The following KLHL21 variants were observed in gnomAD, a reference collection of about 807,000 sequenced individuals.
KLHL21 encodes kelch-like protein 21.
Under a neutral mutation model 44.1 loss-of-function variants are expected in KLHL21, and 42 were observed. That is an observed-to-expected ratio of 0.95 (90% CI 0.74 to 1.23). The LOEUF is 1.23. Ranked by LOEUF, KLHL21 falls within the 50% of genes most tolerant of loss-of-function variation. The probability of loss-of-function intolerance (pLI) is 0.00; values close to 1 mark genes in which losing one functional copy is unlikely to be tolerated. For missense variants in KLHL21, 918 were observed against 889.1 expected (o/e 1.03, Z -0.41); for synonymous variants, 524 against 411.6 (o/e 1.27, Z -3.31).
In KLHL21 at chr1:6,602,864, A is replaced by C. The variant is rs919823244; in HGVS notation, c.-47T>G. 3 of 1,340,056 alleles carry C rather than the reference A, an allele frequency of 2.2e-6. No individual in the cohort carries two copies. The highest frequency in any genetic ancestry group is 4.0e-5 in the Admixed American group (1 of 24,814). The allele number at this position is 1,340,056 out of a possible 1,614,324, so 83.0% of individuals were successfully genotyped here. On this transcript the variant is annotated 5_prime_UTR_variant, in exon 1 of 4. Transcript: ENST00000377658. ...AGGACGCCGCGGCCGGGGCCTGCGGAGAGACGCGGCGCGCTAGGCACCGCT... is the reference window on the plus strand; with the variant it reads ...AGGACGCCGCGGCCGGGGCCTGCGGCGAGACGCGGCGCGCTAGGCACCGCT...
Position 6,601,864 on chromosome 1 carries a change from G to A in KLHL21, c.954C>T (p.Ala318=), listed in dbSNP as rs1429593968. The A allele has an allele frequency of 1.9e-6, 3 of 1,577,868 alleles. No individual in the cohort carries two copies. The highest frequency in any genetic ancestry group is 1.8e-5 in the Admixed American group (1 of 55,178). ...NPQTGQWRYL[A]EFPDHLGGGY... is the part of the protein sequence containing the mutation. ...CTCCGCCCAGGTGGTCTGGGAACTC[G>A]GCCAGGTAGCGCCACTGACCCGTCT... Residue 318 remains alanine (A), a synonymous_variant, in exon 1 of 4, where the codon GCC becomes GCT. Coordinates refer to ENST00000377658, the MANE Select transcript of KLHL21 (RefSeq NM_014851.4).
intron 2 of KLHL21, among the ~76,000 whole-genome samples, chr1:6,598,723 A>AT (rs1329935047): frequency 6.6e-6 from 1 of 151,810 alleles, no homozygotes; most frequent in African/African-American, 2.4e-5. Flanking sequence ...TCTACAAAAA[A>AT]TACAAAAAAA....
Position 6,602,797 on chromosome 1 carries a change from C to T in KLHL21, c.21G>A (p.Leu7=), listed in dbSNP as rs1013320970. 2.7e-6 allele frequency: 4 copies of T among 1,465,746 alleles called. No homozygotes were observed. In the African/African-American group the frequency reaches 4.5e-5, roughly 16 times the overall value. The allele number at this position is 1,465,746 out of a possible 1,614,324, so 90.8% of individuals were successfully genotyped here. ...CGGGGTCCGAGAAGGGAAGCACGGC[C>T]AGGGGCGCCGGTCGCTCCATGGCGC... The part of the protein sequence containing the change: MERPAP[L]AVLPFSDPAH... The change falls in exon 1 of 4, where the codon CTG becomes CTA. Residue 7 remains leucine, a synonymous_variant. Transcript: ENST00000377658.
At position 6,602,248 on chromosome 1, in the gene KLHL21, C is replaced by T. The variant is rs1252669545; in HGVS notation, c.570G>A (p.Leu190=). 5.2e-6 allele frequency: 8 copies of T among 1,544,178 alleles called. No individual in the cohort carries two copies. The highest frequency in any genetic ancestry group is 1.4e-5 in the African/African-American group (1 of 73,002). The change falls in exon 1 of 4, where the codon CTG becomes CTA. Residue 190 remains leucine, a synonymous_variant. Coordinates refer to ENST00000377658, the MANE Select transcript of KLHL21 (RefSeq NM_014851.4). Reference sequence around the variant, plus strand: ...AGGCGGCCTCCTCCTTGGGCACACACAGCCCGTCGTCCCGCAGGTAGCGCA... The same window carrying T: ...AGGCGGCCTCCTCCTTGGGCACACATAGCCCGTCGTCCCGCAGGTAGCGCA... ...RLLRYLRDDG[L]CVPKEEAAYQ...
intron 2 of KLHL21, 151 bp from the exon 3 acceptor site, chr1:6,595,708 T>C: frequency 2.9e-6 from 2 of 680,622 alleles, no homozygotes; most frequent in Non-Finnish European, 4.9e-6. Context: ...CCAGGTAGGC[T>C]CCATCCCCAG....
At position 6,602,200 on chromosome 1, in the gene KLHL21, G is replaced by T. The variant is rs1641035058; in HGVS notation, c.618C>A (p.Val206=). ...EAAYQLALRW[V]RADPPRRAAH... ...CGGCGCGGCGCGGCGGGTCAGCGCG[G>T]ACCCAGCGCAGCGCCAGCTGGTAGG... Residue 206 remains valine, a synonymous_variant, in exon 1 of 4, where the codon GTC becomes GTA. Transcript: ENST00000377658. 6.6e-7 allele frequency: 1 copy of T among 1,507,956 alleles called. No homozygotes were observed. The allele number at this position is 1,507,956 out of a possible 1,614,324, so 93.4% of individuals were successfully genotyped here. A position where few individuals can be genotyped will look rare whatever the true frequency, so the allele number is the denominator to read the frequency against.
At position 6,599,581 on chromosome 1, in the gene KLHL21, C is replaced by T. The variant is rs1390967828; in HGVS notation, c.1022-129G>A. The stretch of plus-strand genomic sequence containing the variant: ...ATCACTGGGCTTCACCCCAGACGCA[C>T]ACCCTCTCCCCAAAAGCCCAGGCCA... On this transcript the variant is annotated intron_variant, in intron 1 of 3. Transcript: ENST00000377658. 4.1e-6 allele frequency: 4 copies of T among 966,720 alleles called. No homozygotes were observed. The East Asian group carries it at 7.9e-5, about 19-fold the overall frequency. The allele number at this position is 966,720 out of a possible 1,614,324, so 59.9% of individuals were successfully genotyped here.
At position 6,601,899 on chromosome 1, in the gene KLHL21, A is replaced by G. The variant is rs1641027126; in HGVS notation, c.919T>C (p.Tyr307His). ...DCDELVTVDC[Y>H]NPQTGQWRYL... is the part of the protein sequence containing the mutation. The stretch of plus-strand genomic sequence containing the variant: ...CGCCACTGACCCGTCTGCGGGTTGT[A>G]GCAGTCGACAGTGACCAGCTCGTCA... Residue 307 changes from tyrosine (Y) to histidine (H), a missense_variant, in exon 1 of 4, where the codon TAC (tyrosine) becomes CAC (histidine). Transcript: ENST00000377658. 6.4e-7 allele frequency: 1 copy of G among 1,566,390 alleles called. No individual in the cohort carries two copies. The highest frequency in any genetic ancestry group is 8.6e-7 in the Non-Finnish European group (1 of 1,156,362).
At position 6,602,111 on chromosome 1, in the gene KLHL21, G is replaced by A; in HGVS notation, c.707C>T (p.Ala236Val). 1.4e-6 allele frequency: 2 copies of A among 1,466,652 alleles called. No homozygotes were observed. The allele number at this position is 1,466,652 out of a possible 1,614,324, so 90.9% of individuals were successfully genotyped here. A position where few individuals can be genotyped will look rare whatever the true frequency, so the allele number is the denominator to read the frequency against. The change falls in exon 1 of 4, where the codon GCG becomes GTG. Residue 236 changes from alanine to valine, a missense_variant. Transcript: ENST00000377658. Reference protein sequence around the residue: ...LPFVRRFYLLAHVEAEPLVAR... With the variant: ...LPFVRRFYLLVHVEAEPLVAR... ...CACCAGCGGCTCGGCCTCGACGTGC[G>A]CCAACAGGTAGAAGCGGCGCACGAA...
In KLHL21 at chr1:6,602,724, G is replaced by A. The variant is rs771732674; in HGVS notation, c.94C>T (p.Arg32Cys). 3.2e-5 allele frequency: 48 copies of A among 1,512,260 alleles called. No homozygotes were observed. In the South Asian group the frequency reaches 3.9e-4, roughly 12 times the overall value. The allele number at this position is 1,512,260 out of a possible 1,614,324, so 93.7% of individuals were successfully genotyped here. The change falls in exon 1 of 4, where the codon CGC becomes TGC. Residue 32 changes from arginine to cysteine, a missense_variant. Transcript: ENST00000377658. ...LRGLSQLRAE[R>C]KFLDVTLEAA... ...TCCAGGGTCACGTCCAGGAACTTGC[G>A]CTCGGCGCGCAGCTGGCTCAGGCCG...
intron 2 of KLHL21, 77 bp downstream of exon 2, chr1:6,598,970 C>T: frequency 1.4e-6 from 2 of 1,381,760 alleles, no homozygotes; most frequent in Non-Finnish European, 1.9e-6. Context: ...AAAGGGAGAA[C>T]AGCCATGATG....
At chr1:6,596,413 A>G (rs576777646) in intron 2 of KLHL21, among the ~76,000 whole-genome samples, 9 of 152,356 alleles carry the variant, frequency 5.9e-5, no homozygotes, top group Admixed American at 3.3e-4. Context: ...CCTGGGAGGC[A>G]TAGTGAGTGA....
chr1:6,599,343 G>A lies in KLHL21; in HGVS notation c.1131C>T (p.Ser377=), dbSNP rs370117216. The A allele has an allele frequency of 1.9e-6, 3 of 1,613,938 alleles. No individual in the cohort carries two copies. The highest frequency in any genetic ancestry group is 2.5e-6 in the Non-Finnish European group (3 of 1,180,032). Reference sequence around the variant, plus strand: ...CGTACAGCAGTCCGTCCAGCACAGAGGAGCTGTGGTACTCGCGGGCCTTCA... The same window carrying A: ...CGTACAGCAGTCCGTCCAGCACAGAAGAGCTGTGGTACTCGCGGGCCTTCA... ...PMLKAREYHS[S]SVLDGLLYVV... Residue 377 remains serine, a synonymous_variant, in exon 2 of 4, where the codon TCC becomes TCT. Transcript: ENST00000377658.
At position 6,599,173 on chromosome 1, in the gene KLHL21, T is replaced by G; in HGVS notation, c.1301A>C (p.Glu434Ala). 6.2e-7 allele frequency: 1 copy of G among 1,614,098 alleles called. No homozygotes were observed. The highest frequency in any genetic ancestry group is 8.5e-7 in the Non-Finnish European group (1 of 1,180,028). ...GTCGTAGCACTGCATCACCATGGTC[T>G]CCTTGCCAGCCAGGGAGCCGATGGC... ...LYAIGSLAGK[E>A]TMVMQCYDPD... Residue 434 changes from glutamate (E) to alanine (A), a missense_variant, in exon 2 of 4, where the codon GAG becomes GCG. Physicochemically the swap from Glu to Ala is moderately radical, Grantham distance 107. Transcript: ENST00000377658.
intron 2 of KLHL21, 96 bp downstream of exon 2, chr1:6,598,951 A>G: frequency 7.8e-7 from 1 of 1,277,064 alleles, no homozygotes; most frequent in Non-Finnish European, 1.1e-6. Context: ...TCAGTTTCTC[A>G]TCTGTGGAAA....
At chr1:6,596,685 G>A (rs1288330157) in intron 2 of KLHL21, among the ~76,000 whole-genome samples, 2 of 152,230 alleles carry the variant, frequency 1.3e-5, no homozygotes, top group Non-Finnish European at 2.9e-5. Context: ...TGATGATGAT[G>A]ATGATTACAC....
intron 3 of KLHL21, 157 bp downstream of exon 3, chr1:6,595,328 G>A (rs1398237184): frequency 2.8e-6 from 2 of 719,090 alleles, no homozygotes; most frequent in East Asian, 2.7e-5. Flanking sequence ...GTCTCAGTGA[G>A]CCTTAAGTGC....
At chr1:6,593,957 GTGGCCCTCTGGGCTGAGCAGTGCT>G (rs1640890498) in intron 3 of KLHL21, 1 of 1,197,322 alleles carries the variant, frequency 8.4e-7, no homozygotes, top group Non-Finnish European at 1.0e-6. Context: ...AATCTCTGCA[GTGGCCCTCTGGGCTGAGCAGTGCT>G]GTTCTCCCCA....
Position 6,593,590 on chromosome 1 carries a change from T to C in KLHL21, c.1569A>G (p.Thr523=), listed in dbSNP as rs147235243. 5.6e-6 allele frequency: 9 copies of C among 1,613,272 alleles called. No individual in the cohort carries two copies. The African/African-American group carries it at 9.3e-5, about 17-fold the overall frequency. The change falls in exon 4 of 4, where the codon ACA becomes ACG. Residue 523 remains threonine (T), a synonymous_variant. Coordinates refer to ENST00000377658, the MANE Select transcript of KLHL21 (RefSeq NM_014851.4). Reference sequence around the variant, plus strand: ...CCTCTACCACGTCCGAGAGTTCAAATGTATTGTCGTATCCCCCAGAGACGT... The same window carrying C: ...CCTCTACCACGTCCGAGAGTTCAAACGTATTGTCGTATCCCCCAGAGACGT... ...KLYVSGGYDN[T]FELSDVVEAY...
Sources: allele counts gnomAD v4.1 joint callset (sites outside exome capture counted in the v4.1 genomes callset), GRCh38; gene constraint gnomAD v4.1.1; transcripts MANE v1.5; gene names NCBI Gene and HGNC (gene_info 2026-07-23, HGNC 2026-07-21).